Variants in ZC3H7B observed in about 807,000 individuals in gnomAD.
The protein encoded by ZC3H7B is zinc finger CCCH-type containing 7B, also known as zinc finger CCCH domain-containing protein 7B.
ZC3H7B carries 35 observed loss-of-function variants against 116.0 expected under a neutral mutation model. The observed-to-expected ratio is 0.30, with a 90% confidence interval of 0.23 to 0.40. The LOEUF is 0.40. Ranked by LOEUF, ZC3H7B falls within the 10% of genes least tolerant of loss-of-function variation. ZC3H7B has a pLI of 1.00. For missense variants in ZC3H7B, 1,011 were observed against 1,321.5 expected (o/e 0.77, Z 3.64); for synonymous variants, 502 against 545.6 (o/e 0.92, Z 1.11).
intron 17 of ZC3H7B, among the ~76,000 whole-genome samples, chr22:41,352,416 T>A (rs2145941682): frequency 6.6e-6 from 1 of 152,340 alleles, no homozygotes; most frequent in South Asian, 2.1e-4. Flanking sequence ...CTTTCCTCTT[T>A]GTAATTAAGA....
At chr22:41,343,876 G>A (rs888414997) in intron 13 of ZC3H7B, among the ~76,000 whole-genome samples, 5 of 152,276 alleles carry the variant, frequency 3.3e-5, no homozygotes, top group Admixed American at 1.3e-4. Flanking sequence ...TGACTCATAG[G>A]GGGCTGGCTT....
At chr22:41,355,161 T>C (rs2036697792) in intron 17 of ZC3H7B, among the ~76,000 whole-genome samples, 1 of 152,162 alleles carries the variant, frequency 6.6e-6, no homozygotes, top group Non-Finnish European at 1.5e-5. Flanking sequence ...GAACAGCCTG[T>C]ACAAACGCAG....
At position 41,331,574 on chromosome 22, in the gene ZC3H7B, A is replaced by G. The variant is rs989611754; in HGVS notation, c.526-597A>G. On this transcript the variant is annotated intron_variant, in intron 6 of 22. Coordinates refer to ENST00000352645, the MANE Select transcript of ZC3H7B (RefSeq NM_017590.6). ...TGCCTCAAAAAAAAAAAAAAAAAAA[A>G]AGAGAGAGCAAATGGGCCGGGTGCA... Among the ~76,000 whole-genome samples the G allele has an allele frequency of 1.7e-3, 254 of 150,674 alleles. 1 individual carries two copies. Among genetic ancestry groups the G allele is most frequent in the East Asian group, 0.01 (52 of 5,084 alleles).
intron 6 of ZC3H7B, among the ~76,000 whole-genome samples, chr22:41,330,918 G>A (rs1489852070): frequency 6.8e-6 from 1 of 146,832 alleles, no homozygotes; most frequent in Admixed American, 6.8e-5. Context: ...TGTAGTGCTG[G>A]AGTGCAGTGG....
chr22:41,355,968 A>C lies in ZC3H7B; in HGVS notation c.2289A>C (p.Ala763=). ...FPQQYDLCIH[A]QNGRKCQYVG... is the part of the protein sequence containing the mutation. Reference sequence around the variant, plus strand: ...CCACCCCACAGCTCTGCATCCATGCACAGAACGGCCGCAAGTGCCAATATG... The same window carrying C: ...CCACCCCACAGCTCTGCATCCATGCCCAGAACGGCCGCAAGTGCCAATATG... The change falls in exon 20 of 23, where the codon GCA becomes GCC. Residue 763 remains alanine (A), a synonymous_variant. Coordinates refer to ENST00000352645, the MANE Select transcript of ZC3H7B (RefSeq NM_017590.6). 1.3e-6 allele frequency: 2 copies of C among 1,575,170 alleles called. No individual in the cohort carries two copies. The highest frequency in any genetic ancestry group is 1.7e-6 in the Non-Finnish European group (2 of 1,160,790).
intron 1 of ZC3H7B, among the ~76,000 whole-genome samples, chr22:41,311,810 G>C (rs2036121726): frequency 6.6e-6 from 1 of 152,026 alleles, no homozygotes; most frequent in Admixed American, 6.6e-5. Flanking sequence ...TGAGACCTGG[G>C]CAGAATAAGA....
chr22:41,325,621 G>A lies in ZC3H7B; in HGVS notation c.87+24G>A, dbSNP rs374201499. The A allele has an allele frequency of 1.6e-5, 25 of 1,611,286 alleles. No individual in the cohort carries two copies. The African/African-American group carries it at 3.3e-4, about 22-fold the overall frequency. On this transcript the variant is annotated intron_variant, in intron 3 of 22. Coordinates refer to ENST00000352645, the MANE Select transcript of ZC3H7B (RefSeq NM_017590.6). ...AGGTGAGTGTCAGCTGCCAGGCTGA[G>A]CAAAGGTGAAGGGCGGAGATGTGCA... is the stretch of plus-strand genomic sequence containing the variant.
chr22:41,335,467 G>A (rs946810564), intron 7 of ZC3H7B: 4 of 152,334 alleles, frequency 2.6e-5, no homozygotes, highest in African/African-American at 9.7e-5. Context: ...ATGGGCAGGA[G>A]GGCTGAGAAG....
In ZC3H7B at chr22:41,348,124, G is replaced by C; in HGVS notation, c.1723G>C (p.Val575Leu). Reference sequence around the variant, plus strand: ...CAAAGGCACCAAGGACTCTCCGTCTGTCTGCTCCAACCTGGCTGCCAAGCA... The same window carrying C: ...CAAAGGCACCAAGGACTCTCCGTCTCTCTGCTCCAACCTGGCTGCCAAGCA... ...ISKGTKDSPS[V>L]CSNLAAKHSF... Residue 575 changes from valine to leucine, a missense_variant, in exon 15 of 23, where the codon GTC (valine) becomes CTC (leucine). Val to Leu is a conservative substitution (Grantham distance 32). This residue lies in a region of ZC3H7B where 406 missense variants were observed against 590.2 expected (regional missense o/e 0.69). Coordinates refer to ENST00000352645, the MANE Select transcript of ZC3H7B (RefSeq NM_017590.6). 7 of 1,614,026 alleles carry C rather than the reference G, an allele frequency of 4.3e-6. No homozygotes were observed. Among genetic ancestry groups the C allele is most frequent in the Non-Finnish European group, 5.1e-6 (6 of 1,179,976 alleles).
At chr22:41,326,778 C>A (rs990851888) in intron 4 of ZC3H7B, among the ~76,000 whole-genome samples, 6 of 152,242 alleles carry the variant, frequency 3.9e-5, no homozygotes, top group Non-Finnish European at 8.8e-5. Flanking sequence ...GGATAAATGG[C>A]TCCTGGATGC....
chr22:41,346,574 G>A lies in ZC3H7B; in HGVS notation c.1665+366G>A, dbSNP rs1332638867. Among the ~76,000 whole-genome samples the A allele has an allele frequency of 6.6e-6, 1 of 152,056 alleles. No homozygotes were observed. The highest frequency in any genetic ancestry group is 2.4e-5 in the African/African-American group (1 of 41,312). ...CTCACGCCTGTAATCCCAGCACTTT[G>A]GGAGGCTGAGGCGGGCAAATCAATT... On this transcript the variant is annotated intron_variant, in intron 14 of 22. Transcript: ENST00000352645. This position sits in a 1 kb window ranked among gnomAD's most constrained non-coding sequence, Gnocchi z 5.3.
At chr22:41,355,889 G>T (rs1441844680) in intron 19 of ZC3H7B, 27 bp downstream of exon 19, 19 of 1,611,758 alleles carry the variant, frequency 1.2e-5, no homozygotes, top group Non-Finnish European at 1.3e-5. Context: ...GGGGCTGGGG[G>T]TCCCCCAGGA....
intron 1 of ZC3H7B, among the ~76,000 whole-genome samples, chr22:41,319,022 A>G (rs1190241587): frequency 6.6e-6 from 1 of 151,886 alleles, no homozygotes; most frequent in Non-Finnish European, 1.5e-5. Context: ...TAATTCCAGC[A>G]CTTTGGGAGG....
At position 41,338,183 on chromosome 22, in the gene ZC3H7B, AAT is replaced by A. The variant is rs2036470037; in HGVS notation, c.583-129_583-128del. 3 of 951,568 alleles carry A rather than the reference AAT, an allele frequency of 3.2e-6. No homozygotes were observed. In the African/African-American group the frequency reaches 5.0e-5, roughly 16 times the overall value. 58.9% of individuals were successfully genotyped at this position (951,568 alleles called of 1,614,324 possible). A position where few individuals can be genotyped will look rare whatever the true frequency, so the allele number is the denominator to read the frequency against. On this transcript the variant is annotated intron_variant, in intron 7 of 22. Coordinates refer to ENST00000352645, the MANE Select transcript of ZC3H7B (RefSeq NM_017590.6). This position sits in a 1 kb window ranked among gnomAD's most constrained non-coding sequence, Gnocchi z 4.5. ...ACGCCTGGCCGCATGTGAGGGCTTT[AAT>A]CTCCCCTGGCACTCTAAGTGCTCCT...
chr22:41,310,992 C>G (rs1025625663), intron 1 of ZC3H7B, among the ~76,000 whole-genome samples: 1 of 151,578 alleles, frequency 6.6e-6, no homozygotes, highest in African/African-American at 2.4e-5. Context: ...GTCTCGATCT[C>G]CTGACCTCGT....
chr22:41,339,754 T>A, intron 9 of ZC3H7B, 62 bp from the exon 10 acceptor site: 1 of 1,463,940 alleles, frequency 6.8e-7, no homozygotes, highest in Non-Finnish European at 9.2e-7. Flanking sequence ...CAAGTCCTGA[T>A]GCTGCCCAGG....
chr22:41,316,841 AT>A (rs1436155686), intron 1 of ZC3H7B, among the ~76,000 whole-genome samples: 11 of 150,098 alleles, frequency 7.3e-5, no homozygotes, highest in African/African-American at 9.8e-5. Context: ...TGCCCAGCTA[AT>A]TTTTTTTCTT....
rs183743956 is a variant in ZC3H7B at position 41,340,190 on chromosome 22, G to A, written c.1138+53G>A. On this transcript the variant is annotated intron_variant, in intron 10 of 22. Coordinates refer to ENST00000352645, the MANE Select transcript of ZC3H7B (RefSeq NM_017590.6). ...CTCCCTGGACAGGTTGCACAGTGCT[G>A]TGGCCTCTTTGGTGCCTGGAGAGTG... The A allele has an allele frequency of 6.0e-4, 920 of 1,521,202 alleles. 3 individuals carry two copies. The Middle Eastern group carries it at 6.2e-3, about 10-fold the overall frequency. 94.2% of individuals were successfully genotyped at this position (1,521,202 alleles called of 1,614,324 possible). A position where few individuals can be genotyped will look rare whatever the true frequency, so the allele number is the denominator to read the frequency against.
In ZC3H7B at chr22:41,348,157, TACA is replaced by T. The variant is rs762561998; in HGVS notation, c.1764_1766del (p.Asn588del). 1.2e-5 allele frequency: 20 copies of T among 1,613,790 alleles called. No homozygotes were observed. The highest frequency in any genetic ancestry group is 2.2e-5 in the East Asian group (1 of 44,876). ...CAACCTGGCTGCCAAGCACAGCTTC[TACA>T]ACAACAAGTGAGTGGGACCCTCAGC... On this transcript the variant is annotated inframe_deletion, in exon 15 of 23. Coordinates refer to ENST00000352645, the MANE Select transcript of ZC3H7B (RefSeq NM_017590.6).
Sources: allele counts gnomAD v4.1 joint callset (sites outside exome capture counted in the v4.1 genomes callset), GRCh38; gene constraint gnomAD v4.1.1; regional missense constraint gnomAD v4.1.1; non-coding constraint Gnocchi (gnomAD v3.1); transcripts MANE v1.5; gene names NCBI Gene and HGNC (gene_info 2026-07-23, HGNC 2026-07-21).